Variants in CSMD1 observed in about 807,000 individuals in gnomAD.
CSMD1 encodes the protein CUB and Sushi multiple domains 1.
CSMD1 carries 213 observed loss-of-function variants against 417.5 expected under a neutral mutation model. That is an observed-to-expected ratio of 0.51 (90% confidence interval 0.46 to 0.57). CSMD1 has a LOEUF of 0.57. Ranked by LOEUF, CSMD1 falls within the 20% of genes least tolerant of loss-of-function variation. The probability of loss-of-function intolerance (pLI) is 0.00; values close to 1 mark genes in which losing one functional copy is unlikely to be tolerated. For missense variants in CSMD1, 6,923 were observed against 4,529.7 expected (o/e 1.53, Z -15.17); for synonymous variants, 2,862 against 1,736.8 (o/e 1.65, Z -16.11).
chr8:4,875,112 A>G (rs745642205), intron 1 of CSMD1, among the ~76,000 whole-genome samples: 1 of 151,476 alleles, frequency 6.6e-6, no homozygotes, highest in Non-Finnish European at 1.5e-5. Context: ...CAGAGTAAAT[A>G]CAGAAGCCCT....
At chr8:4,658,872 G>C (rs976379824) in intron 1 of CSMD1, among the ~76,000 whole-genome samples, 29 of 152,236 alleles carry the variant, frequency 1.9e-4, no homozygotes, top group African/African-American at 6.3e-4. Flanking sequence ...TGGGAGTCTA[G>C]AGCTATATAG....
At chr8:4,899,342 C>CG (rs199821703) in intron 1 of CSMD1, among the ~76,000 whole-genome samples, 2 of 26,416 alleles carry the variant, frequency 7.6e-5, no homozygotes, top group Non-Finnish European at 1.2e-4. Flanking sequence ...CATACACTAA[C>CG]AAAAAGTGAG....
At chr8:3,808,104 C>T (rs964596453) in intron 5 of CSMD1, among the ~76,000 whole-genome samples, 2 of 152,118 alleles carry the variant, frequency 1.3e-5, no homozygotes, top group Admixed American at 6.5e-5. Context: ...CCTGTTCACC[C>T]TCAGCCACGT....
chr8:3,273,875 C>A (rs1026131842), intron 26 of CSMD1, among the ~76,000 whole-genome samples: 4 of 152,096 alleles, frequency 2.6e-5, no homozygotes, highest in African/African-American at 9.7e-5. Context: ...TTTCAAAAAA[C>A]CAGCTCCTGG....
intron 2 of CSMD1, among the ~76,000 whole-genome samples, chr8:4,616,633 G>C (rs1341907895): frequency 6.6e-6 from 1 of 152,176 alleles, no homozygotes; most frequent in Admixed American, 6.5e-5. Flanking sequence ...ACTGACAGCT[G>C]ACATTGGACA....
rs1032690443 is a variant in CSMD1 at position 3,472,810 on chromosome 8, C to A, written c.1449-3986G>T. On this transcript the variant is annotated intron_variant, in intron 11 of 69. Transcript: ENST00000635120. ...TTTAGGGCAGTCAAAACATGAAATA[C>A]CTGCCTCTTAAAATCTCCTAAGTTT... Among the ~76,000 whole-genome samples the A allele has an allele frequency of 5.3e-4, 81 of 152,090 alleles. 1 individual carries two copies. Among genetic ancestry groups the A allele is most frequent in the African/African-American group, 1.8e-3 (73 of 41,520 alleles).
At chr8:4,257,856 G>C (rs571551530) in intron 3 of CSMD1, among the ~76,000 whole-genome samples, 2 of 152,300 alleles carry the variant, frequency 1.3e-5, no homozygotes, top group South Asian at 2.1e-4. Context: ...TCATTATTCA[G>C]CTACAGCGTA....
intron 3 of CSMD1, among the ~76,000 whole-genome samples, chr8:4,127,453 GAAAA>G (rs199764792): frequency 0.023 from 2,336 of 102,590 alleles, 19 homozygotes; most frequent in African/African-American, 0.049. Context: ...AAGCATTAAT[GAAAA>G]AAAAAAAAAA....
At chr8:4,664,432 C>T (rs1804790742) in intron 1 of CSMD1, among the ~76,000 whole-genome samples, 2 of 151,984 alleles carry the variant, frequency 1.3e-5, no homozygotes, top group South Asian at 2.1e-4. Context: ...TGGTAGTTCC[C>T]GCCTGTGGTC....
intron 2 of CSMD1, among the ~76,000 whole-genome samples, chr8:4,528,782 T>C (rs1358938632): frequency 5.0e-5 from 1 of 19,932 alleles, no homozygotes; most frequent in East Asian, 9.3e-4. Flanking sequence ...GAGCTCACTT[T>C]CTCTCTCTCT....
At chr8:3,363,432 G>A (rs1038297053) in intron 20 of CSMD1, among the ~76,000 whole-genome samples, 2 of 152,158 alleles carry the variant, frequency 1.3e-5, no homozygotes, top group Non-Finnish European at 2.9e-5. Flanking sequence ...TCTGCCTAGG[G>A]AAAAGAAGAA....
intron 3 of CSMD1, among the ~76,000 whole-genome samples, chr8:4,310,858 T>G (rs1416652693): frequency 5.9e-5 from 9 of 152,070 alleles, no homozygotes; most frequent in Non-Finnish European, 1.3e-4. Context: ...AATGCCTTCT[T>G]CTCAAAAGAA....
chr8:3,677,171 A>G (rs1385174841), intron 7 of CSMD1, among the ~76,000 whole-genome samples: 1 of 152,144 alleles, frequency 6.6e-6, no homozygotes, highest in East Asian at 1.9e-4. Context: ...AAGTAAAATA[A>G]AAATAAAAGA....
At chr8:4,509,797 T>C (rs1440440479) in intron 2 of CSMD1, among the ~76,000 whole-genome samples, 2 of 152,256 alleles carry the variant, frequency 1.3e-5, no homozygotes, top group South Asian at 2.1e-4. Flanking sequence ...ACCACCCCCA[T>C]GACAGATATG....
At position 3,575,137 on chromosome 8, in the gene CSMD1, G is replaced by A. The variant is rs1383713431; in HGVS notation, c.1223-71C>T. The A allele has an allele frequency of 6.8e-6, 10 of 1,477,328 alleles. No individual in the cohort carries two copies. The East Asian group carries it at 1.9e-4, about 28-fold the overall frequency. The allele number at this position is 1,477,328 out of a possible 1,614,324, so 91.5% of individuals were successfully genotyped here. On this transcript the variant is annotated intron_variant, in intron 9 of 69. Coordinates refer to ENST00000635120, the MANE Select transcript of CSMD1 (RefSeq NM_033225.6). Reference sequence around the variant, plus strand: ...GTTTGGTAAAGACATAACATTTATGGGAAATTTCAAGTTAGCTATTATCTA... The same window carrying A: ...GTTTGGTAAAGACATAACATTTATGAGAAATTTCAAGTTAGCTATTATCTA...
chr8:3,917,959 T>C (rs2129142546), intron 5 of CSMD1, among the ~76,000 whole-genome samples: 1 of 152,302 alleles, frequency 6.6e-6, no homozygotes, highest in East Asian at 1.9e-4. Flanking sequence ...TGTTTAAAAT[T>C]TAAGCTGGTT....
intron 22 of CSMD1, among the ~76,000 whole-genome samples, chr8:3,347,265 T>C (rs561999161): frequency 6.6e-6 from 1 of 152,366 alleles, no homozygotes; most frequent in Admixed American, 6.5e-5. Context: ...TTGCCCATTC[T>C]CCAACCCCTA....
intron 15 of CSMD1, among the ~76,000 whole-genome samples, chr8:3,405,269 C>T (rs1812277860): frequency 6.6e-6 from 1 of 152,080 alleles, no homozygotes; most frequent in Admixed American, 6.6e-5. Context: ...GCTTATTGCG[C>T]ACTGACTATT....
At chr8:4,261,378 A>C (rs1803866176) in intron 3 of CSMD1, among the ~76,000 whole-genome samples, 1 of 152,196 alleles carries the variant, frequency 6.6e-6, no homozygotes, top group South Asian at 2.1e-4. Context: ...AATAGAGATT[A>C]GAATCAGAAT....
Sources: gnomAD v4.1 joint callset for allele counts (sites outside exome capture counted in the v4.1 genomes callset) on GRCh38, gnomAD v4.1.1 for gene constraint, MANE v1.5 for transcripts, NCBI Gene and HGNC (gene_info 2026-07-23, HGNC 2026-07-21) for gene names.